Variants in SPAG11B observed in about 807,000 individuals in gnomAD.
SPAG11B encodes sperm-associated antigen 11B.
Under a neutral mutation model 8.9 loss-of-function variants are expected in SPAG11B, and 5 were observed. The ratio of observed to expected loss-of-function variants is 0.56; its 90% CI spans 0.29 to 1.19. The LOEUF is 1.19. SPAG11B is among the 50% of genes most tolerant of loss of function. SPAG11B has a pLI of 0.08. For synonymous variants in SPAG11B, 12 were observed against 53.0 expected (o/e 0.23, Z 3.36); for missense variants, 38 against 146.4 (o/e 0.26, Z 3.82).
intron 2 of SPAG11B, among the ~76,000 whole-genome samples, chr8:7,453,677 A>T (rs1191670389): frequency 6.7e-6 from 1 of 150,060 alleles, no homozygotes; most frequent in African/African-American, 2.5e-5. Context: ...TTTGAAAAAG[A>T]GACATCAAGC....
intron 2 of SPAG11B, among the ~76,000 whole-genome samples, chr8:7,458,589 G>C (rs1365413520): frequency 1.4e-5 from 1 of 70,954 alleles, no homozygotes; most frequent in Non-Finnish European, 2.4e-5. Flanking sequence ...GTCACACGTT[G>C]AGAAAGAAAG....
Position 7,450,857 on chromosome 8 carries a change from C to A in SPAG11B, c.258G>T (p.Gln86His), listed in dbSNP as rs746173716. The A allele has an allele frequency of 1.9e-6, 3 of 1,556,462 alleles. No homozygotes were observed. The highest frequency in any genetic ancestry group is 2.6e-6 in the Non-Finnish European group (3 of 1,142,922). The change falls in exon 3 of 3, where the codon CAG (glutamine) becomes CAT (histidine). Residue 86 changes from glutamine (Q) to histidine (H), a missense_variant. Gln to His is a conservative substitution (Grantham distance 24). Coordinates refer to ENST00000398462, the MANE Select transcript of SPAG11B (RefSeq NM_058201.4). ...PGIRNTICHM[Q>H]QGICRLFFCH... The stretch of plus-strand genomic sequence containing the variant: ...AGAAAAAAAGTCTGCAGATCCCTTG[C>A]TGCATATGGCAGATGGTATTTCTAA...
intron 2 of SPAG11B, among the ~76,000 whole-genome samples, chr8:7,454,513 TGGAAAATAAATTCATTTGGG>T (rs1810385027): frequency 9.2e-6 from 1 of 108,282 alleles, no homozygotes; most frequent in Admixed American, 1.1e-4. Flanking sequence ...TAAACTATGT[TGGAAAATAAATTCATTTGGG>T]GGAGAAATAA....
chr8:7,459,054 CG>C (rs1441265663), intron 2 of SPAG11B, among the ~76,000 whole-genome samples: 2 of 92,608 alleles, frequency 2.2e-5, no homozygotes, highest in Non-Finnish European at 3.9e-5. Context: ...CAAAATTAGC[CG>C]GGCATGGTGG....
chr8:7,458,875 A>G (rs1394137705), intron 2 of SPAG11B, among the ~76,000 whole-genome samples: 1 of 93,650 alleles, frequency 1.1e-5, no homozygotes, highest in African/African-American at 5.4e-5. Flanking sequence ...GGTTAGATAT[A>G]AAAGGAGCAC....
rs758466613 is a variant in SPAG11B at position 7,450,763 on chromosome 8, C to T, written c.352G>A (p.Asp118Asn). Residue 118 changes from aspartate to asparagine, a missense_variant, in exon 3 of 3, where the codon GAT becomes AAT. Asp to Asn is a conservative substitution (Grantham distance 23). Transcript: ENST00000398462. Reference sequence around the variant, plus strand: ...TCTGGTTTCTCTTTTCCTTCTTCATCTGTATTTGATACGCAACACCTATTC... The same window carrying T: ...TCTGGTTTCTCTTTTCCTTCTTCATTTGTATTTGATACGCAACACCTATTC... ...PWNRCCVSNT[D>N]EEGKEKPEMD... 5.6e-6 allele frequency: 9 copies of T among 1,607,090 alleles called. No homozygotes were observed. In the South Asian group the frequency reaches 8.8e-5, roughly 16 times the overall value.
chr8:7,452,276 A>G (rs1266630422), intron 2 of SPAG11B: 1 of 94,452 alleles, frequency 1.1e-5, no homozygotes, highest in South Asian at 8.5e-5. Flanking sequence ...TGTTTGGACC[A>G]AACAAAAGAG....
chr8:7,449,452 C>G (rs1350328576), downstream of SPAG11B, among the ~76,000 whole-genome samples: 1 of 147,488 alleles, frequency 6.8e-6, no homozygotes, highest in South Asian at 2.1e-4. Context: ...CACTCTGAGC[C>G]AAGGCTAATA....
At chr8:7,452,869 C>T (rs1229563242) in intron 2 of SPAG11B, among the ~76,000 whole-genome samples, 2 of 128,480 alleles carry the variant, frequency 1.6e-5, no homozygotes, top group African/African-American at 3.1e-5. Flanking sequence ...CAACAAAACA[C>T]AATGTATTTC....
At chr8:7,450,507 G>C, downstream of SPAG11B, 1 of 1,110,584 alleles carries the variant, frequency 9.0e-7, no homozygotes, top group South Asian at 1.7e-5. Flanking sequence ...ACTAGGAAAG[G>C]AAAGTGGAAT....
chr8:7,452,974 C>A (rs1429012081), intron 2 of SPAG11B, among the ~76,000 whole-genome samples: 3 of 136,710 alleles, frequency 2.2e-5, no homozygotes, highest in African/African-American at 5.4e-5. Flanking sequence ...AAAACAGAGA[C>A]AACGTACCAC....
At chr8:7,449,843 G>C (rs1810015068), downstream of SPAG11B, among the ~76,000 whole-genome samples, 2 of 140,160 alleles carry the variant, frequency 1.4e-5, no homozygotes, top group South Asian at 4.4e-4. Context: ...GAAAAAGCTT[G>C]GCATGTGGTC....
chr8:7,450,861 A>T lies in SPAG11B; in HGVS notation c.254T>A (p.Met85Lys), dbSNP rs1199795928. 1 of 1,552,190 alleles carries T rather than the reference A, an allele frequency of 6.4e-7. No homozygotes were observed. Among genetic ancestry groups the T allele is most frequent in the East Asian group, 2.2e-5 (1 of 44,536 alleles). Residue 85 changes from methionine to lysine, a missense_variant, in exon 3 of 3, where the codon ATG (methionine) becomes AAG (lysine). Met to Lys is a moderately conservative substitution (Grantham distance 95, BLOSUM62 -1). Around this residue, in one of 3 missense-constraint regions of SPAG11B, gnomAD observed 29 missense variants for 28.0 expected, o/e 1.03. Coordinates refer to ENST00000398462, the MANE Select transcript of SPAG11B (RefSeq NM_058201.4). ...AAAAAGTCTGCAGATCCCTTGCTGC[A>T]TATGGCAGATGGTATTTCTAATTCC... ...PPGIRNTICH[M>K]QQGICRLFFC...
At chr8:7,453,330 A>G (rs1241010774) in intron 2 of SPAG11B, among the ~76,000 whole-genome samples, 1 of 148,182 alleles carries the variant, frequency 6.7e-6, no homozygotes, top group Non-Finnish European at 1.5e-5. Context: ...ACTTAGATTT[A>G]TTTCCCTTAA....
chr8:7,453,922 A>AG (rs1171759895), intron 2 of SPAG11B, among the ~76,000 whole-genome samples: 4 of 149,236 alleles, frequency 2.7e-5, no homozygotes, highest in Admixed American at 1.3e-4. Context: ...AAAAAAAGAG[A>AG]GAAAAAAAAA....
rs142104823 is a variant in SPAG11B at position 7,451,196 on chromosome 8, T to G, written c.215-296A>C. ...TCCTCGAGCCTCCCGGTGAGAGATG[T>G]GCACTAGAAGGAAACAAAGGGAGTT... On this transcript the variant is annotated intron_variant, in intron 2 of 2. Coordinates refer to ENST00000398462, the MANE Select transcript of SPAG11B (RefSeq NM_058201.4). The G allele has an allele frequency of 2.8e-4, 430 of 1,555,500 alleles. 51 individuals carry two copies. The African/African-American group carries it at 3.7e-3, about 13-fold the overall frequency.
At chr8:7,449,628 G>C (rs1319888352), downstream of SPAG11B, among the ~76,000 whole-genome samples, 19 of 149,612 alleles carry the variant, frequency 1.3e-4, no homozygotes, top group East Asian at 4.0e-4. Context: ...AAAAAAACAA[G>C]AGTGAGTTTA....
At chr8:7,449,549 G>A (rs1336092545), downstream of SPAG11B, among the ~76,000 whole-genome samples, 6 of 149,842 alleles carry the variant, frequency 4.0e-5, no homozygotes, top group Middle Eastern at 3.2e-3. Context: ...GCCCTGCAGA[G>A]GTGCCTGTGC....
At chr8:7,451,820 C>G (rs1433743928) in intron 2 of SPAG11B, among the ~76,000 whole-genome samples, 1 of 151,760 alleles carries the variant, frequency 6.6e-6, no homozygotes, top group African/African-American at 2.4e-5. Context: ...TATGTGCAAG[C>G]AGGGGGAATA....
Sources: gnomAD v4.1 joint callset for allele counts (sites outside exome capture counted in the v4.1 genomes callset) on GRCh38, gnomAD v4.1.1 for gene constraint, gnomAD v4.1.1 regional missense constraint, MANE v1.5 for transcripts, NCBI Gene and HGNC (gene_info 2026-07-23, HGNC 2026-07-21) for gene names.